MYT1L: variants seen among roughly 807,000 people sequenced by gnomAD.
MYT1L encodes the protein myelin transcription factor 1-like protein.
A neutral mutation model predicts 126.7 loss-of-function variants in MYT1L; 12 were observed. That is an observed-to-expected ratio of 0.09 (90% confidence interval 0.06 to 0.15). The LOEUF is 0.15. MYT1L is among the 10% of genes least tolerant of loss of function. MYT1L has a pLI of 1.00. For missense variants in MYT1L, 979 were observed against 1,585.2 expected (o/e 0.62, Z 6.49); for synonymous variants, 541 against 604.2 (o/e 0.90, Z 1.53).
At chr2:2,061,628 G>A (rs905493270) in intron 3 of MYT1L, among the ~76,000 whole-genome samples, 3 of 152,066 alleles carry the variant, frequency 2.0e-5, no homozygotes, top group African/African-American at 7.2e-5. Context: ...GATGAAACGC[G>A]TAACTGCGCT....
chr2:2,318,571 A>T (rs2096108649), intron 1 of MYT1L, among the ~76,000 whole-genome samples: 1 of 152,250 alleles, frequency 6.6e-6, no homozygotes, highest in South Asian at 2.1e-4. Context: ...CTAAAAAAAC[A>T]CTTGGGCAGC....
intron 3 of MYT1L, among the ~76,000 whole-genome samples, chr2:2,125,539 A>T (rs1450654977): frequency 6.6e-6 from 1 of 152,170 alleles, no homozygotes; most frequent in Non-Finnish European, 1.5e-5. Flanking sequence ...ACCTTAATAA[A>T]TATTTGTTGA....
chr2:1,806,598 T>G lies in MYT1L; in HGVS notation c.3172+2478A>C, dbSNP rs1014137297. ...CCTGTTTTTGTGAATTAACTCCTTG[T>G]GTGCAGCAGTAATAGGAATGTCTAG... On this transcript the variant is annotated intron_variant, in intron 22 of 24. Coordinates refer to ENST00000647738, the MANE Select transcript of MYT1L (RefSeq NM_001303052.2). The surrounding 1 kb of genome is among the most constrained non-coding windows in gnomAD (Gnocchi z 4.9). Among the ~76,000 whole-genome samples the G allele has an allele frequency of 5.9e-5, 9 of 152,186 alleles. No individual in the cohort carries two copies. The highest frequency in any genetic ancestry group is 4.6e-4 in the Admixed American group (7 of 15,278).
At chr2:2,083,931 G>C (rs1575059149) in intron 3 of MYT1L, among the ~76,000 whole-genome samples, 1 of 151,138 alleles carries the variant, frequency 6.6e-6, no homozygotes, top group Admixed American at 6.6e-5. Context: ...AGACCGAGAA[G>C]GCTACTAAGG....
chr2:2,196,716 A>C (rs1242407282), intron 2 of MYT1L, among the ~76,000 whole-genome samples: 1 of 152,044 alleles, frequency 6.6e-6, no homozygotes, highest in Non-Finnish European at 1.5e-5. Context: ...AATAAAACCT[A>C]GTAAAAAATC....
chr2:2,020,073 G>A (rs1486344708), intron 4 of MYT1L, among the ~76,000 whole-genome samples: 1 of 152,062 alleles, frequency 6.6e-6, no homozygotes, highest in Non-Finnish European at 1.5e-5. Flanking sequence ...TTGAACTCCT[G>A]AGCTCTAGCA....
chr2:2,307,011 T>C (rs1203380094), intron 1 of MYT1L, among the ~76,000 whole-genome samples: 1 of 152,126 alleles, frequency 6.6e-6, no homozygotes, highest in Non-Finnish European at 1.5e-5. Flanking sequence ...TTAACCAGAC[T>C]TTGAAGAGTG....
intron 4 of MYT1L, among the ~76,000 whole-genome samples, chr2:2,003,955 A>G (rs1216900162): frequency 2.0e-5 from 3 of 150,884 alleles, no homozygotes; most frequent in South Asian, 4.2e-4. Flanking sequence ...TCTTTCCTGC[A>G]TGCGTTCTTT....
intron 2 of MYT1L, among the ~76,000 whole-genome samples, chr2:2,217,287 G>T (rs1402875181): frequency 6.6e-6 from 1 of 152,150 alleles, no homozygotes; most frequent in African/African-American, 2.4e-5. Context: ...GAATCCAACA[G>T]CGTATAAGAA....
chr2:2,142,118 C>A (rs1249847800), intron 3 of MYT1L, among the ~76,000 whole-genome samples: 4 of 152,110 alleles, frequency 2.6e-5, no homozygotes, highest in African/African-American at 9.7e-5. Context: ...TCTCATATGA[C>A]ACAAAATTAC....
At chr2:1,971,712 C>T (rs1436989787) in intron 8 of MYT1L, among the ~76,000 whole-genome samples, 1 of 152,156 alleles carries the variant, frequency 6.6e-6, no homozygotes, top group African/African-American at 2.4e-5. Flanking sequence ...GCCTGGGCGA[C>T]AGAGCGAGAC....
At position 2,212,971 on chromosome 2, in the gene MYT1L, G is replaced by A. The variant is rs186725963; in HGVS notation, c.-420-39983C>T. Among the ~76,000 whole-genome samples the A allele has an allele frequency of 7.9e-4, 120 of 152,254 alleles. 1 individual carries two copies. The highest frequency in any genetic ancestry group is 2.8e-3 in the African/African-American group (118 of 41,536). ...TTCATGAGGGGAAGAGAGGAAGAAGGCAAATAAGTAGAGGGGAGAGGCACA... is the reference window on the plus strand; with the variant it reads ...TTCATGAGGGGAAGAGAGGAAGAAGACAAATAAGTAGAGGGGAGAGGCACA... On this transcript the variant is annotated intron_variant, in intron 2 of 24. Transcript: ENST00000647738.
At chr2:2,149,322 C>A (rs994794609) in intron 3 of MYT1L, among the ~76,000 whole-genome samples, 2 of 152,178 alleles carry the variant, frequency 1.3e-5, no homozygotes, top group Non-Finnish European at 2.9e-5. Flanking sequence ...CATATATAAA[C>A]ACCAAGTGGG....
At chr2:2,239,705 G>A (rs891200590) in intron 2 of MYT1L, among the ~76,000 whole-genome samples, 3 of 152,250 alleles carry the variant, frequency 2.0e-5, no homozygotes, top group Admixed American at 1.3e-4. Context: ...TTTCTCCCCA[G>A]TGGGCTGGTT....
chr2:2,172,592 T>G (rs1164309304), intron 3 of MYT1L, among the ~76,000 whole-genome samples: 1 of 152,252 alleles, frequency 6.6e-6, no homozygotes, highest in Non-Finnish European at 1.5e-5. Context: ...AGGGGCTGCC[T>G]GCAGCAATCC....
chr2:2,237,736 AG>A (rs2094352834), intron 2 of MYT1L, among the ~76,000 whole-genome samples: 3 of 152,026 alleles, frequency 2.0e-5, no homozygotes, highest in Admixed American at 2.0e-4. Flanking sequence ...GCCTCCAAAG[AG>A]GGGGCCAGGC....
chr2:2,160,274 T>C (rs542833502), intron 3 of MYT1L, among the ~76,000 whole-genome samples: 12 of 152,362 alleles, frequency 7.9e-5, no homozygotes, highest in Non-Finnish European at 1.2e-4. Flanking sequence ...ACATGTCTGT[T>C]CACATTTTTA....
At chr2:1,794,583 G>A (rs770944908) in intron 23 of MYT1L, among the ~76,000 whole-genome samples, 2 of 152,148 alleles carry the variant, frequency 1.3e-5, no homozygotes, top group African/African-American at 4.8e-5. Flanking sequence ...CTGTCTCATT[G>A]TCCCCAGCAA....
chr2:2,263,018 A>G (rs1362471170), intron 2 of MYT1L, among the ~76,000 whole-genome samples: 1 of 145,610 alleles, frequency 6.9e-6, no homozygotes, highest in Non-Finnish European at 1.5e-5. Context: ...TGAACATATA[A>G]AATATTTTTC....
Sources: allele counts gnomAD v4.1 joint callset (sites outside exome capture counted in the v4.1 genomes callset), GRCh38; gene constraint gnomAD v4.1.1; non-coding constraint Gnocchi (gnomAD v3.1); transcripts MANE v1.5; gene names NCBI Gene and HGNC (gene_info 2026-07-23, HGNC 2026-07-21).